Variants in CDC42BPA observed in about 807,000 individuals in gnomAD.
CDC42BPA encodes the protein CDC42 binding protein kinase alpha, also known as serine/threonine-protein kinase MRCK alpha.
CDC42BPA carries 80 observed loss-of-function variants against 223.5 expected under a neutral mutation model. The observed-to-expected ratio is 0.36, with a 90% CI of 0.30 to 0.43. CDC42BPA has a LOEUF of 0.43. Ranked by LOEUF, CDC42BPA falls within the 20% of genes least tolerant of loss-of-function variation. The pLI is 1.00. For synonymous variants in CDC42BPA, 694 were observed against 718.6 expected (o/e 0.97, Z 0.55); for missense variants, 1,743 against 2,099.9 (o/e 0.83, Z 3.32).
intron 6 of CDC42BPA, among the ~76,000 whole-genome samples, chr1:227,157,955 CTTT>C (rs59212512): frequency 6.9e-6 from 1 of 144,962 alleles, no homozygotes; most frequent in Non-Finnish European, 1.5e-5. Context: ...ATTTTTATAA[CTTT>C]TTTTTTTTTT....
At chr1:227,156,899 C>T (rs1048740107) in intron 6 of CDC42BPA, among the ~76,000 whole-genome samples, 8 of 152,128 alleles carry the variant, frequency 5.3e-5, no homozygotes, top group Admixed American at 5.2e-4. Context: ...CTAAAGCCTC[C>T]CTGATTTCAA....
Position 227,251,612 on chromosome 1 carries a change from A to T in CDC42BPA, c.270+2452T>A, listed in dbSNP as rs747627350. On this transcript the variant is annotated intron_variant, in intron 2 of 36. Coordinates refer to ENST00000366766, the MANE Select transcript of CDC42BPA (RefSeq NM_001394014.1). ...CTAATATCAGATTAAGGAAAATTTA[A>T]ATCAAAAAACACTATAGAGATCATG... 7.5e-4 allele frequency among the ~76,000 whole-genome samples: 114 copies of T among 152,284 alleles called. 1 individual carries two copies. The highest frequency in any genetic ancestry group is 1.1e-3 in the Non-Finnish European group (73 of 67,990).
At chr1:227,012,160 C>T (rs1665336891) in intron 34 of CDC42BPA, among the ~76,000 whole-genome samples, 1 of 151,898 alleles carries the variant, frequency 6.6e-6, no homozygotes, top group Non-Finnish European at 1.5e-5. Flanking sequence ...TCACTAAGCT[C>T]GAAAATATAC....
chr1:227,224,018 G>T (rs1204452069), intron 2 of CDC42BPA, among the ~76,000 whole-genome samples: 1 of 152,130 alleles, frequency 6.6e-6, no homozygotes, highest in Middle Eastern at 3.2e-3. Context: ...GCATCTTCAA[G>T]ACTTATTTTT....
rs114069755 is a variant in CDC42BPA, at chr1:227,120,336, G to T, written c.1514-399C>A. Among the ~76,000 whole-genome samples the T allele has an allele frequency of 4.6e-3, 699 of 152,296 alleles. 5 individuals carry two copies. Among genetic ancestry groups the T allele is most frequent in the African/African-American group, 0.016 (674 of 41,568 alleles). On this transcript the variant is annotated intron_variant, in intron 11 of 36. Coordinates refer to ENST00000366766, the MANE Select transcript of CDC42BPA (RefSeq NM_001394014.1). ...TCAAATTACCGTGTAAGACGGTTTT[G>T]ATTCTAACAGGGTGGTTCCAAATCA...
At chr1:227,099,349 T>A (rs1219829367) in intron 15 of CDC42BPA, among the ~76,000 whole-genome samples, 2 of 152,098 alleles carry the variant, frequency 1.3e-5, no homozygotes, top group Non-Finnish European at 2.9e-5. Context: ...TGTATGTAAC[T>A]GTCCCTGAAG....
intron 2 of CDC42BPA, among the ~76,000 whole-genome samples, chr1:227,215,511 G>A (rs1558784722): frequency 1.3e-5 from 2 of 152,126 alleles, no homozygotes; most frequent in Admixed American, 1.3e-4. Flanking sequence ...GAGGTATTGT[G>A]GTGTAACTGA....
At chr1:227,221,277 CTTATA>C (rs1439977762) in intron 2 of CDC42BPA, among the ~76,000 whole-genome samples, 1 of 152,190 alleles carries the variant, frequency 6.6e-6, no homozygotes, top group African/African-American at 2.4e-5. Flanking sequence ...TCCTTCCTGA[CTTATA>C]TTATCTATTC....
chr1:227,281,413 C>A (rs1687997501), intron 1 of CDC42BPA, among the ~76,000 whole-genome samples: 1 of 152,186 alleles, frequency 6.6e-6, no homozygotes, highest in African/African-American at 2.4e-5. Context: ...GTTCTCCAAC[C>A]TGTACAACTG....
chr1:227,072,217 A>T lies in CDC42BPA; in HGVS notation c.2818T>A (p.Ser940Thr), dbSNP rs762768474. ...ACACACACTCCCATACCCTTTTCAGATCTAAGCTCTTCAGTGTCCTTTATC... is the reference window on the plus strand; with the variant it reads ...ACACACACTCCCATACCCTTTTCAGTTCTAAGCTCTTCAGTGTCCTTTATC... ...QLIKDTEELR[S>T]EKGIEHQDSQ... is the part of the protein sequence containing the mutation. The change falls in exon 20 of 37, where the codon TCT (serine) becomes ACT (threonine). Residue 940 changes from serine (S) to threonine (T), a missense_variant. Ser to Thr is a moderately conservative substitution (Grantham distance 58, BLOSUM62 1). Around this residue, in one of 6 missense-constraint regions of CDC42BPA, gnomAD observed 678 missense variants for 777.5 expected, o/e 0.87. Transcript: ENST00000366766. 16 of 1,593,812 alleles carry T rather than the reference A, an allele frequency of 1.0e-5. 1 individual carries two copies. The highest frequency in any genetic ancestry group is 1.3e-5 in the Non-Finnish European group (15 of 1,162,916).
At position 227,232,831 on chromosome 1, in the gene CDC42BPA, G is replaced by A. The variant is rs1039258537; in HGVS notation, c.271-19612C>T. ...GGTGTCAGTCGGCCCCTACTGGGAG[G>A]TGTCTCCCAGTTAGGCTACTCGTGT... On this transcript the variant is annotated intron_variant, in intron 2 of 36. Transcript: ENST00000366766. Among the ~76,000 whole-genome samples, 10 of 152,336 alleles carry A rather than the reference G, an allele frequency of 6.6e-5. 1 individual carries two copies. Among genetic ancestry groups the A allele is most frequent in the African/African-American group, 2.4e-4 (10 of 41,576 alleles).
intron 16 of CDC42BPA, among the ~76,000 whole-genome samples, chr1:227,084,400 T>C (rs916081453): frequency 6.6e-6 from 1 of 152,020 alleles, no homozygotes; most frequent in Non-Finnish European, 1.5e-5. Context: ...TGGTGGCACA[T>C]GCCTTTAATC....
chr1:227,295,497 A>T (rs1690507024), intron 1 of CDC42BPA, among the ~76,000 whole-genome samples: 1 of 152,188 alleles, frequency 6.6e-6, no homozygotes, highest in Non-Finnish European at 1.5e-5. Flanking sequence ...TAGTTCCAGC[A>T]ATTCTGGTAA....
At chr1:227,298,900 A>G (rs547809680) in intron 1 of CDC42BPA, among the ~76,000 whole-genome samples, 1 of 152,334 alleles carries the variant, frequency 6.6e-6, no homozygotes, top group Admixed American at 6.5e-5. Context: ...CTGCTCATCT[A>G]TAACTTCACC....
intron 10 of CDC42BPA, among the ~76,000 whole-genome samples, chr1:227,132,888 T>C (rs1657519089): frequency 6.7e-6 from 1 of 149,358 alleles, no homozygotes; most frequent in Non-Finnish European, 1.5e-5. Context: ...GGAGACCCTC[T>C]GCCTGGCAAC....
At chr1:227,022,885 T>C (rs962418227) in intron 32 of CDC42BPA, among the ~76,000 whole-genome samples, 1 of 152,320 alleles carries the variant, frequency 6.6e-6, no homozygotes, top group East Asian at 1.9e-4. Flanking sequence ...AGAAGATATG[T>C]TCCTGAAGAC....
chr1:227,194,049 G>A (rs1307260229), intron 4 of CDC42BPA, 115 bp from the exon 5 acceptor site: 3 of 596,974 alleles, frequency 5.0e-6, no homozygotes, highest in Non-Finnish European at 8.3e-6. Flanking sequence ...AATTACATAT[G>A]CTGCTAATTA....
intron 28 of CDC42BPA, 50 bp downstream of exon 28, chr1:227,031,248 G>C (rs779122713): frequency 9.2e-6 from 13 of 1,418,278 alleles, no homozygotes; most frequent in Non-Finnish European, 1.3e-5. Flanking sequence ...TGTTCTCAAG[G>C]TAGATTAGTA....
At chr1:227,269,623 C>T (rs754710970) in intron 1 of CDC42BPA, among the ~76,000 whole-genome samples, 7 of 152,004 alleles carry the variant, frequency 4.6e-5, no homozygotes, top group Admixed American at 6.5e-5. Context: ...CAAATATTTA[C>T]GTAACAAAAA....
Sources: allele counts gnomAD v4.1 joint callset (sites outside exome capture counted in the v4.1 genomes callset), GRCh38; gene constraint gnomAD v4.1.1; regional missense constraint gnomAD v4.1.1; transcripts MANE v1.5; gene names NCBI Gene and HGNC (gene_info 2026-07-23, HGNC 2026-07-21).